The following CSMD1 variants were observed in gnomAD, a reference collection of about 807,000 sequenced individuals.
The protein encoded by CSMD1 is CUB and Sushi multiple domains 1, also known as CUB and sushi domain-containing protein 1.
A neutral mutation model predicts 417.5 loss-of-function variants in CSMD1; 213 were observed. The ratio of observed to expected loss-of-function variants is 0.51; its 90% CI spans 0.46 to 0.57. The LOEUF (loss-of-function observed/expected upper bound fraction) is 0.57. Ranked by LOEUF, CSMD1 falls within the 20% of genes least tolerant of loss-of-function variation. The probability of loss-of-function intolerance (pLI) is 0.00; values close to 1 mark genes in which losing one functional copy is unlikely to be tolerated. For missense variants in CSMD1, 6,923 were observed against 4,529.7 expected (o/e 1.53, Z -15.17); for synonymous variants, 2,862 against 1,736.8 (o/e 1.65, Z -16.11).
chr8:3,883,607 T>G (rs971881374), intron 5 of CSMD1, among the ~76,000 whole-genome samples: 6 of 152,186 alleles, frequency 3.9e-5, no homozygotes, highest in African/African-American at 1.4e-4. Flanking sequence ...ATTATTTATT[T>G]GATATCAATT....
chr8:4,205,917 C>T (rs1363278092), intron 3 of CSMD1, among the ~76,000 whole-genome samples: 2 of 152,176 alleles, frequency 1.3e-5, no homozygotes, highest in African/African-American at 2.4e-5. Context: ...AGTCCTCCTG[C>T]AGCCACGTTT....
intron 51 of CSMD1, among the ~76,000 whole-genome samples, chr8:3,025,369 A>C (rs1385542320): frequency 1.3e-5 from 2 of 150,178 alleles, no homozygotes; most frequent in South Asian, 2.1e-4. Flanking sequence ...GTGTGGTGTT[A>C]TTCTGAAACT....
chr8:3,637,977 C>G (rs1195036115), intron 7 of CSMD1, among the ~76,000 whole-genome samples: 4 of 152,166 alleles, frequency 2.6e-5, no homozygotes, highest in African/African-American at 9.7e-5. Context: ...ATTGTGAGGC[C>G]TCCTCAGTTA....
chr8:4,789,425 G>C (rs1797578037), intron 1 of CSMD1, among the ~76,000 whole-genome samples: 1 of 152,134 alleles, frequency 6.6e-6, no homozygotes, highest in Admixed American at 6.5e-5. Context: ...AATATTGATA[G>C]TACTGTGTAT....
intron 2 of CSMD1, among the ~76,000 whole-genome samples, chr8:4,532,150 C>A (rs1161683015): frequency 2.4e-4 from 1 of 4,222 alleles, no homozygotes; most frequent in Non-Finnish European, 4.4e-3. Context: ...CAAGCCCATT[C>A]ACAGTCCTCC....
chr8:4,476,309 C>G (rs1313261536), intron 2 of CSMD1, among the ~76,000 whole-genome samples: 3 of 152,120 alleles, frequency 2.0e-5, no homozygotes, highest in African/African-American at 7.2e-5. Flanking sequence ...TCTATTCTAA[C>G]ACGAAATTTC....
intron 2 of CSMD1, among the ~76,000 whole-genome samples, chr8:4,588,914 G>C (rs1799847068): frequency 6.6e-6 from 1 of 151,836 alleles, no homozygotes; most frequent in Non-Finnish European, 1.5e-5. Context: ...CCTTTCACTT[G>C]GAAAAAATAT....
At chr8:3,382,191 G>A (rs922031596) in intron 18 of CSMD1, among the ~76,000 whole-genome samples, 4 of 151,906 alleles carry the variant, frequency 2.6e-5, no homozygotes, top group East Asian at 1.9e-4. Context: ...CCTGGGAGGC[G>A]GAGGTTTTAG....
intron 3 of CSMD1, among the ~76,000 whole-genome samples, chr8:4,131,098 G>GT (rs1235026951): frequency 1.3e-5 from 2 of 152,184 alleles, no homozygotes; most frequent in African/African-American, 2.4e-5. Context: ...TCTAACTGCT[G>GT]TTAAAAGGAG....
intron 1 of CSMD1, among the ~76,000 whole-genome samples, chr8:4,860,176 C>A (rs949284057): frequency 1.3e-5 from 2 of 148,182 alleles, no homozygotes; most frequent in African/African-American, 5.0e-5. Context: ...AAACCAAACA[C>A]CGCATATTCT....
chr8:3,789,733 T>TA (rs1488368591), intron 5 of CSMD1, among the ~76,000 whole-genome samples: 3 of 145,870 alleles, frequency 2.1e-5, no homozygotes, highest in Non-Finnish European at 4.5e-5. Flanking sequence ...TTAATTTTTT[T>TA]TTTTTTTTTT....
At chr8:4,288,369 G>C (rs2128865312) in intron 3 of CSMD1, among the ~76,000 whole-genome samples, 1 of 152,254 alleles carries the variant, frequency 6.6e-6, no homozygotes, top group African/African-American at 2.4e-5. Context: ...AATGATTCCA[G>C]AGAGGCTATC....
chr8:4,391,992 C>A (rs866958305), intron 3 of CSMD1, among the ~76,000 whole-genome samples: 9 of 152,132 alleles, frequency 5.9e-5, no homozygotes, highest in South Asian at 2.1e-4. Context: ...TAGTCAACAC[C>A]AAGCATCAAT....
chr8:4,150,566 G>A (rs1159455550), intron 3 of CSMD1, among the ~76,000 whole-genome samples: 1 of 152,156 alleles, frequency 6.6e-6, no homozygotes, highest in Non-Finnish European at 1.5e-5. Context: ...CCTGCTGAAG[G>A]ATTCATAACT....
At chr8:4,794,588 C>A (rs994890102) in intron 1 of CSMD1, among the ~76,000 whole-genome samples, 4 of 152,234 alleles carry the variant, frequency 2.6e-5, no homozygotes, top group Middle Eastern at 3.4e-3. Context: ...CTTCTCTCAC[C>A]CCTCACACGC....
intron 5 of CSMD1, among the ~76,000 whole-genome samples, chr8:3,968,030 A>C (rs1281528394): frequency 1.4e-5 from 2 of 144,710 alleles, no homozygotes; most frequent in Non-Finnish European, 3.0e-5. Context: ...AAAAAAAATT[A>C]CAAAAAATTA....
intron 7 of CSMD1, among the ~76,000 whole-genome samples, chr8:3,670,294 G>C (rs1283394514): frequency 6.6e-6 from 1 of 151,864 alleles, no homozygotes; most frequent in Non-Finnish European, 1.5e-5. Context: ...TCCTTCTCCT[G>C]TGCCGGATGC....
At chr8:4,633,474 C>T (rs895796311) in intron 2 of CSMD1, among the ~76,000 whole-genome samples, 2 of 152,048 alleles carry the variant, frequency 1.3e-5, no homozygotes, top group Admixed American at 6.6e-5. Context: ...TGGTCTCGAT[C>T]TACTGACCTC....
chr8:3,250,157 A>C (rs1360362412), intron 26 of CSMD1, among the ~76,000 whole-genome samples: 1 of 152,222 alleles, frequency 6.6e-6, no homozygotes, highest in African/African-American at 2.4e-5. Flanking sequence ...TGGTACACCC[A>C]TTAAGTCGTC....
Sources: gnomAD v4.1 joint callset for allele counts (sites outside exome capture counted in the v4.1 genomes callset) on GRCh38, gnomAD v4.1.1 for gene constraint, MANE v1.5 for transcripts, NCBI Gene and HGNC (gene_info 2026-07-23, HGNC 2026-07-21) for gene names.